RAP1GAP2: variants seen among roughly 807,000 people sequenced by gnomAD.
RAP1GAP2 encodes RAP1 GTPase activating protein 2.
Under a neutral mutation model 95.0 loss-of-function variants are expected in RAP1GAP2, and 27 were observed. The observed-to-expected ratio is 0.28, with a 90% CI of 0.21 to 0.39. The LOEUF is 0.39. RAP1GAP2 is among the 10% of genes least tolerant of loss of function. The pLI is 1.00. For synonymous variants in RAP1GAP2, 373 were observed against 380.9 expected (o/e 0.98, Z 0.24); for missense variants, 771 against 970.0 (o/e 0.79, Z 2.72).
intron 12 of RAP1GAP2, among the ~76,000 whole-genome samples, 169 bp downstream of exon 12, chr17:2,991,566 A>G (rs924974193): frequency 5.3e-5 from 8 of 150,302 alleles, no homozygotes; most frequent in African/African-American, 1.5e-4. Context: ...CAGGGGTCCA[A>G]GGAGTGATCC....
chr17:2,818,326 TTTATTTATTTATTTA>T (rs1261685383), intron 2 of RAP1GAP2, among the ~76,000 whole-genome samples: 4,059 of 148,956 alleles, frequency 0.027, 193 homozygotes, highest in African/African-American at 0.095. Flanking sequence ...TATTTATTTA[TTTATTTATTTATTTA>T]TTTTTGAGAC....
At chr17:2,907,321 C>T (rs140593883) in intron 3 of RAP1GAP2, among the ~76,000 whole-genome samples, 12 of 152,222 alleles carry the variant, frequency 7.9e-5, no homozygotes, top group Admixed American at 1.3e-4. Flanking sequence ...GGAAGGGATG[C>T]GGGGCAGGCA....
At chr17:2,973,518 A>G (rs2044962424) in intron 8 of RAP1GAP2, among the ~76,000 whole-genome samples, 1 of 152,216 alleles carries the variant, frequency 6.6e-6, no homozygotes, top group Non-Finnish European at 1.5e-5. Context: ...ATCCTTCTCA[A>G]CAAACAAAAG....
intron 2 of RAP1GAP2, among the ~76,000 whole-genome samples, chr17:2,842,930 C>T (rs1250001962): frequency 2.0e-5 from 3 of 152,246 alleles, no homozygotes; most frequent in Admixed American, 6.5e-5. Context: ...TCCTCCCTTC[C>T]GTCTTTCCCC....
chr17:3,028,021 C>T (rs1035297796), intron 22 of RAP1GAP2, among the ~76,000 whole-genome samples: 4 of 151,958 alleles, frequency 2.6e-5, no homozygotes, highest in African/African-American at 9.7e-5. Flanking sequence ...TCTCTGCCCT[C>T]GTGAGGGCAG....
intron 3 of RAP1GAP2, among the ~76,000 whole-genome samples, chr17:2,916,379 G>A (rs182873726): frequency 1.8e-4 from 28 of 152,316 alleles, no homozygotes; most frequent in African/African-American, 6.3e-4. Flanking sequence ...ACAAAGCACC[G>A]TAGGCAGCCA....
Position 2,867,190 on chromosome 17 carries a change from G to A in RAP1GAP2, c.81-38094G>A, listed in dbSNP as rs190119589. 6.8e-4 allele frequency among the ~76,000 whole-genome samples: 104 copies of A among 152,304 alleles called. 1 individual carries two copies. Among genetic ancestry groups the A allele is most frequent in the African/African-American group, 2.3e-3 (97 of 41,574 alleles). On this transcript the variant is annotated intron_variant, in intron 2 of 24. Coordinates refer to ENST00000254695, the MANE Select transcript of RAP1GAP2 (RefSeq NM_015085.5). This position sits in a 1 kb window ranked among gnomAD's most constrained non-coding sequence, Gnocchi z 4.5. Reference sequence around the variant, plus strand: ...GCTGGGATTACAGGTGTGAGCCACCGTGCCTGGCCTCTGATTGGTCATTTA... The same window carrying A: ...GCTGGGATTACAGGTGTGAGCCACCATGCCTGGCCTCTGATTGGTCATTTA...
At chr17:2,920,750 A>T (rs1045116351) in intron 3 of RAP1GAP2, among the ~76,000 whole-genome samples, 10 of 152,196 alleles carry the variant, frequency 6.6e-5, no homozygotes, top group Admixed American at 6.5e-4. Flanking sequence ...TCAATATGCC[A>T]AACACGCATA....
chr17:3,022,382 T>A (rs571351912), intron 19 of RAP1GAP2, among the ~76,000 whole-genome samples: 1 of 152,356 alleles, frequency 6.6e-6, no homozygotes, highest in Non-Finnish European at 1.5e-5. Context: ...AACATAGAGT[T>A]ACCATATTAC....
chr17:2,785,899 C>CTTTTTTTTT, intron 1 of RAP1GAP2, among the ~76,000 whole-genome samples: 1 of 119,952 alleles, frequency 8.3e-6, no homozygotes, highest in Admixed American at 9.2e-5. Context: ...AAAAGTATGA[C>CTTTTTTTTT]TTTTTTTTTT....
rs1555579065 is a variant in RAP1GAP2 at position 2,962,616 on chromosome 17, C to T, written c.202-54C>T. On this transcript the variant is annotated intron_variant, in intron 4 of 24. Transcript: ENST00000254695. Reference sequence around the variant, plus strand: ...GTAAGGCCAGGTGCTCTTTATCTGGCCCTGTCTTCTGACCTTTGCTTTTCT... The same window carrying T: ...GTAAGGCCAGGTGCTCTTTATCTGGTCCTGTCTTCTGACCTTTGCTTTTCT... The T allele has an allele frequency of 2.6e-6, 4 of 1,520,410 alleles. No individual in the cohort carries two copies. The South Asian group carries it at 4.8e-5, about 18-fold the overall frequency. 94.2% of individuals were successfully genotyped at this position (1,520,410 alleles called of 1,614,324 possible).
At chr17:2,777,960 GGGAGGCGGGGAGGCT>G (rs2068543059) in intron 1 of RAP1GAP2, among the ~76,000 whole-genome samples, 5 of 39,882 alleles carry the variant, frequency 1.3e-4, no homozygotes, top group East Asian at 5.8e-3. Flanking sequence ...CTGGGAGGCT[GGGAGGCGGGGAGGCT>G]GGGAGGCTGG....
At chr17:2,771,954 C>A (rs2068407055) in intron 2 of RAP1GAP2, among the ~76,000 whole-genome samples, 1 of 151,964 alleles carries the variant, frequency 6.6e-6, no homozygotes, top group Admixed American at 6.6e-5. Flanking sequence ...TGGCCTTGAA[C>A]CCCTGGGCTC....
intron 2 of RAP1GAP2, among the ~76,000 whole-genome samples, chr17:2,818,293 CTTTA>C (rs149867844): frequency 0.11 from 15,308 of 136,158 alleles, 1,154 homozygotes; most frequent in Admixed American, 0.25. Context: ...TCTCAGCCCA[CTTTA>C]TTTATTTATT....
intron 1 of RAP1GAP2, among the ~76,000 whole-genome samples, chr17:2,758,494 G>A (rs747723169): frequency 1.3e-5 from 2 of 152,038 alleles, no homozygotes; most frequent in Admixed American, 6.6e-5. Flanking sequence ...TTTTAGTGCC[G>A]TAATTGGGTT....
At position 2,875,011 on chromosome 17, in the gene RAP1GAP2, G is replaced by A. The variant is rs1031700445; in HGVS notation, c.81-30273G>A. On this transcript the variant is annotated intron_variant, in intron 2 of 24. Coordinates refer to ENST00000254695, the MANE Select transcript of RAP1GAP2 (RefSeq NM_015085.5). ...AAAGTTGAGGACAGCTGCCAGGGAC[G>A]CTTCAAAATTACCTTGGGGACGGCG... Among the ~76,000 whole-genome samples the A allele has an allele frequency of 2.8e-4, 42 of 152,302 alleles. 1 individual carries two copies. Among genetic ancestry groups the A allele is most frequent in the Admixed American group, 2.4e-3 (37 of 15,304 alleles).
Position 3,003,520 on chromosome 17 carries a change from C to T in RAP1GAP2, c.1201-1849C>T, listed in dbSNP as rs116587584. 0.012 allele frequency among the ~76,000 whole-genome samples: 1,860 copies of T among 152,196 alleles called. 29 individuals carry two copies. Among genetic ancestry groups the T allele is most frequent in the African/African-American group, 0.041 (1,695 of 41,514 alleles). ...GTTGCTCGGACGATGCTCTGTGTGC[C>T]ACCGCGGCTCCCAGGCCACTCTTGG... On this transcript the variant is annotated intron_variant, in intron 14 of 24. Coordinates refer to ENST00000254695, the MANE Select transcript of RAP1GAP2 (RefSeq NM_015085.5). The surrounding 1 kb of genome is among the most constrained non-coding windows in gnomAD (Gnocchi z 4.1).
At chr17:2,852,930 C>T (rs983961012) in intron 2 of RAP1GAP2, among the ~76,000 whole-genome samples, 14 of 152,174 alleles carry the variant, frequency 9.2e-5, no homozygotes, top group African/African-American at 3.4e-4. Context: ...ATGAGGCTCG[C>T]GCGCGGCTGG....
intron 8 of RAP1GAP2, among the ~76,000 whole-genome samples, chr17:2,967,836 T>G (rs1194551866): frequency 6.6e-6 from 1 of 152,200 alleles, no homozygotes; most frequent in Admixed American, 6.5e-5. Context: ...CTTCTGGATT[T>G]TTTAACGGAT....
Sources: allele counts gnomAD v4.1 joint callset (sites outside exome capture counted in the v4.1 genomes callset), GRCh38; gene constraint gnomAD v4.1.1; non-coding constraint Gnocchi (gnomAD v3.1); transcripts MANE v1.5; gene names NCBI Gene and HGNC (gene_info 2026-07-23, HGNC 2026-07-21).